USP49: variants seen among roughly 807,000 people sequenced by gnomAD.
USP49 encodes ubiquitin specific peptidase 49.
A neutral mutation model predicts 58.6 loss-of-function variants in USP49; 24 were observed. The ratio of observed to expected loss-of-function variants is 0.41; its 90% CI spans 0.30 to 0.58. The LOEUF (loss-of-function observed/expected upper bound fraction) is 0.58. Among genes scored for constraint, USP49 ranks in the 20% least tolerant of loss-of-function variants. USP49 has a pLI of 0.30. For missense variants in USP49, 703 were observed against 866.1 expected, an observed-to-expected ratio of 0.81 and a Z score of 2.36; for synonymous variants, 408 against 365.1, an observed-to-expected ratio of 1.12 and a Z score of -1.34.
intron 3 of USP49, among the ~76,000 whole-genome samples, chr6:41,811,973 C>T (rs1773264300): frequency 6.6e-6 from 1 of 152,186 alleles, no homozygotes; most frequent in Admixed American, 6.5e-5. Flanking sequence ...CCCTGAACTA[C>T]CTACCAACAT....
intron 3 of USP49, among the ~76,000 whole-genome samples, chr6:41,834,209 T>C (rs1047605633): frequency 6.6e-6 from 1 of 152,172 alleles, no homozygotes; most frequent in African/African-American, 2.4e-5. Flanking sequence ...TAACTACCAA[T>C]TCCATTCCTA....
chr6:41,839,404 C>CAA (rs538220746), intron 3 of USP49, among the ~76,000 whole-genome samples: 1,217 of 22,270 alleles, frequency 0.055, 371 homozygotes, highest in Non-Finnish European at 0.069. Flanking sequence ...GGCCTTGTCT[C>CAA]AAAAAAAAAA....
chr6:41,831,456 T>C (rs1048827514), intron 3 of USP49, among the ~76,000 whole-genome samples: 12 of 151,716 alleles, frequency 7.9e-5, no homozygotes, highest in Non-Finnish European at 1.8e-4. Context: ...GGTGCGCACC[T>C]GTAATCCCAG....
chr6:41,852,961 G>A (rs569496629), intron 3 of USP49, among the ~76,000 whole-genome samples: 7 of 152,156 alleles, frequency 4.6e-5, no homozygotes, highest in East Asian at 1.9e-4. Context: ...AGGCCTAGGC[G>A]GATGGATCAC....
intron 3 of USP49, among the ~76,000 whole-genome samples, chr6:41,820,486 C>T (rs1329084823): frequency 6.6e-6 from 1 of 151,396 alleles, no homozygotes; most frequent in East Asian, 1.9e-4. Context: ...CATTTTTAAT[C>T]TTTGTATGTA....
chr6:41,858,590 G>A (rs1474259693), intron 3 of USP49, among the ~76,000 whole-genome samples: 1 of 151,478 alleles, frequency 6.6e-6, no homozygotes, highest in East Asian at 1.9e-4. Context: ...AGCCACATTG[G>A]CCTCCTCACT....
At chr6:41,884,000 A>G (rs1274642390) in intron 2 of USP49, among the ~76,000 whole-genome samples, 1 of 152,140 alleles carries the variant, frequency 6.6e-6, no homozygotes, top group Non-Finnish European at 1.5e-5. Context: ...GCAGTTAGCT[A>G]AATCTACATC....
chr6:41,821,769 C>G (rs1773456993), intron 3 of USP49, among the ~76,000 whole-genome samples: 1 of 152,124 alleles, frequency 6.6e-6, no homozygotes, highest in Non-Finnish European at 1.5e-5. Context: ...TCTGCTCCTT[C>G]CTCATGGACT....
intron 3 of USP49, among the ~76,000 whole-genome samples, chr6:41,808,809 G>A (rs989421620): frequency 1.3e-5 from 2 of 152,152 alleles, no homozygotes; most frequent in Non-Finnish European, 2.9e-5. Context: ...GCTGGGCACC[G>A]TGGCTTGCAC....
rs546005708 is a variant in USP49 at position 41,797,696 on chromosome 6, T to G, written c.1877-973A>C. On this transcript the variant is annotated intron_variant, in intron 7 of 7. Coordinates refer to ENST00000682992, the MANE Select transcript of USP49 (RefSeq NM_001286554.2). ...TGCGGCTAGTGAGATTCATACAATATCTCCTTGAGGTTACACAGGTTCTAC... is the reference window on the plus strand; with the variant it reads ...TGCGGCTAGTGAGATTCATACAATAGCTCCTTGAGGTTACACAGGTTCTAC... 9 of 985,806 alleles carry G rather than the reference T, an allele frequency of 9.1e-6. No individual in the cohort carries two copies. The South Asian group carries it at 4.2e-4, about 46-fold the overall frequency. 61.1% of individuals were successfully genotyped at this position (985,806 alleles called of 1,614,324 possible). A position where few individuals can be genotyped will look rare whatever the true frequency, so the allele number is the denominator to read the frequency against.
At chr6:41,799,432 G>A (rs1772954318) in intron 6 of USP49, among the ~76,000 whole-genome samples, 1 of 152,162 alleles carries the variant, frequency 6.6e-6, no homozygotes, top group Non-Finnish European at 1.5e-5. Flanking sequence ...AATGTTCCAT[G>A]AAGTACTCTA....
intron 7 of USP49, 76 bp downstream of exon 7, chr6:41,798,648 T>C: frequency 6.2e-7 from 1 of 1,608,086 alleles, no homozygotes; most frequent in Non-Finnish European, 8.5e-7. Flanking sequence ...GGGATGGAAA[T>C]AAAAGGAAAA....
At chr6:41,857,123 A>G (rs1282648708) in intron 3 of USP49, among the ~76,000 whole-genome samples, 1 of 152,176 alleles carries the variant, frequency 6.6e-6, no homozygotes. Context: ...AGTGGCTGCC[A>G]TCTTCAACTA....
intron 3 of USP49, among the ~76,000 whole-genome samples, chr6:41,811,186 C>T (rs1232151108): frequency 6.6e-6 from 1 of 152,160 alleles, no homozygotes; most frequent in Non-Finnish European, 1.5e-5. Flanking sequence ...TACTCTCAAT[C>T]AAGCCAGATC....
chr6:41,802,400 ATTTT>A (rs1773017939), intron 5 of USP49, among the ~76,000 whole-genome samples: 2 of 121,404 alleles, frequency 1.6e-5, no homozygotes, highest in African/African-American at 6.7e-5. Flanking sequence ...ATTTTATTTT[ATTTT>A]ATTTTTTATT....
At chr6:41,843,112 T>C (rs1409521266) in intron 3 of USP49, among the ~76,000 whole-genome samples, 1 of 152,124 alleles carries the variant, frequency 6.6e-6, no homozygotes, top group East Asian at 1.9e-4. Flanking sequence ...TGGGTTCAAG[T>C]GATTCTCCTG....
chr6:41,820,310 C>T (rs1024638632), intron 3 of USP49, among the ~76,000 whole-genome samples: 1 of 151,752 alleles, frequency 6.6e-6, no homozygotes, highest in Admixed American at 6.6e-5. Flanking sequence ...AAACAATAAA[C>T]ACATCAGTCA....
intron 3 of USP49, among the ~76,000 whole-genome samples, chr6:41,837,942 C>T (rs1773756224): frequency 6.6e-6 from 1 of 152,074 alleles, no homozygotes; most frequent in Non-Finnish European, 1.5e-5. Flanking sequence ...ATTTAAAAGT[C>T]AAAAACATCA....
At chr6:41,890,771 A>G (rs1774798895) in intron 2 of USP49, among the ~76,000 whole-genome samples, 1 of 152,208 alleles carries the variant, frequency 6.6e-6, no homozygotes, top group African/African-American at 2.4e-5. Flanking sequence ...TGAGGGTATA[A>G]ACAGATTTTG....
Sources: gnomAD v4.1 joint callset for allele counts (sites outside exome capture counted in the v4.1 genomes callset) on GRCh38, gnomAD v4.1.1 for gene constraint, MANE v1.5 for transcripts, NCBI Gene and HGNC (gene_info 2026-07-23, HGNC 2026-07-21) for gene names.